Variants in MCPH1 observed in about 807,000 individuals in gnomAD.
MCPH1 encodes the protein microcephalin.
A neutral mutation model predicts 84.5 loss-of-function variants in MCPH1; 104 were observed. The observed-to-expected ratio is 1.23, with a 90% CI of 1.05 to 1.45. MCPH1 has a LOEUF of 1.45. MCPH1 is among the 40% of genes most tolerant of loss of function. The pLI, the probability that MCPH1 is intolerant of heterozygous loss-of-function variation, is 0.00. For missense variants in MCPH1, 1,498 were observed against 1,005.7 expected (o/e 1.49, Z -6.62); for synonymous variants, 514 against 366.8 (o/e 1.40, Z -4.58).
At chr8:6,418,317 C>T (rs1038984855) in intron 3 of MCPH1, among the ~76,000 whole-genome samples, 1 of 152,154 alleles carries the variant, frequency 6.6e-6, no homozygotes, top group Admixed American at 6.5e-5. Context: ...GATTCTTTTG[C>T]TTCCTTTTAA....
intron 13 of MCPH1, among the ~76,000 whole-genome samples, chr8:6,622,378 G>A (rs1324255625): frequency 6.6e-6 from 1 of 152,172 alleles, no homozygotes; most frequent in African/African-American, 2.4e-5. Context: ...CCGGAGAAGA[G>A]GGTTAAGGAA....
At chr8:6,500,889 G>GA (rs546175261) in intron 12 of MCPH1, 40 of 152,310 alleles carry the variant, frequency 2.6e-4, no homozygotes, top group African/African-American at 9.6e-4. Flanking sequence ...CCTACAAAGA[G>GA]AATTGATATA....
chr8:6,614,219 G>A (rs1830570448), intron 12 of MCPH1, among the ~76,000 whole-genome samples: 1 of 152,182 alleles, frequency 6.6e-6, no homozygotes, highest in Non-Finnish European at 1.5e-5. Flanking sequence ...TATGGTTTTG[G>A]AGACGGTTGT....
chr8:6,550,380 G>A (rs1193143815), intron 12 of MCPH1, among the ~76,000 whole-genome samples: 3 of 152,212 alleles, frequency 2.0e-5, no homozygotes, highest in Non-Finnish European at 2.9e-5. Flanking sequence ...CTGTAGGGCT[G>A]CACCCAGACA....
chr8:6,413,837 C>T (rs957614865), intron 2 of MCPH1, among the ~76,000 whole-genome samples: 3 of 151,796 alleles, frequency 2.0e-5, no homozygotes, highest in Non-Finnish European at 2.9e-5. Flanking sequence ...TCACTGTAAC[C>T]GCCACCTCCC....
intron 11 of MCPH1, chr8:6,499,536 G>C (rs1811739240): frequency 6.2e-6 from 1 of 160,484 alleles, no homozygotes; most frequent in African/African-American, 2.4e-5. Context: ...TCACAAATTA[G>C]AAACTTGGAA....
chr8:6,542,876 C>T (rs949113180), intron 12 of MCPH1, among the ~76,000 whole-genome samples: 4 of 152,114 alleles, frequency 2.6e-5, no homozygotes, highest in African/African-American at 9.7e-5. Flanking sequence ...AAAAGGCTAG[C>T]GAAACTTAGA....
At chr8:6,428,020 T>C (rs1801318817) in intron 3 of MCPH1, among the ~76,000 whole-genome samples, 1 of 151,958 alleles carries the variant, frequency 6.6e-6, no homozygotes, top group African/African-American at 2.4e-5. Flanking sequence ...CTTGAACCAC[T>C]GACCTCCCGC....
chr8:6,638,028 G>C (rs1209525031), intron 13 of MCPH1, among the ~76,000 whole-genome samples: 2 of 152,196 alleles, frequency 1.3e-5, no homozygotes, highest in African/African-American at 4.8e-5. Flanking sequence ...GGAGAAGCAC[G>C]GAAGGAGCAG....
intron 12 of MCPH1, among the ~76,000 whole-genome samples, chr8:6,536,370 A>T (rs1820503344): frequency 6.6e-6 from 1 of 150,856 alleles, no homozygotes; most frequent in African/African-American, 2.4e-5. Context: ...ATGTTAGCTC[A>T]ACCCAGAGGC....
At chr8:6,617,448 C>A (rs562746349) in intron 12 of MCPH1, among the ~76,000 whole-genome samples, 1 of 151,732 alleles carries the variant, frequency 6.6e-6, no homozygotes, top group African/African-American at 2.4e-5. Flanking sequence ...CATTTTTTAG[C>A]TAGAAACTTC....
At chr8:6,451,282 T>C (rs1206064073) in intron 8 of MCPH1, among the ~76,000 whole-genome samples, 1 of 152,234 alleles carries the variant, frequency 6.6e-6, no homozygotes, top group African/African-American at 2.4e-5. Flanking sequence ...GGTTGATTCA[T>C]TCATTCATTT....
chr8:6,640,511 T>C lies in MCPH1; in HGVS notation c.2453-2483T>C, dbSNP rs199706163. 2.6e-5 allele frequency among the ~76,000 whole-genome samples: 4 copies of C among 152,248 alleles called. No homozygotes were observed. In the East Asian group the frequency reaches 7.7e-4, roughly 29 times the overall value. ...AGATTTATCATTCGTGAATTACCTG[T>C]CCTGATCCCTTAACTGTTTTGAAAT... On this transcript the variant is annotated intron_variant, in intron 13 of 13. Coordinates refer to ENST00000344683, the MANE Select transcript of MCPH1 (RefSeq NM_024596.5).
chr8:6,514,340 C>T (rs1056158732), intron 12 of MCPH1, among the ~76,000 whole-genome samples: 1 of 152,118 alleles, frequency 6.6e-6, no homozygotes, highest in Non-Finnish European at 1.5e-5. Flanking sequence ...CAGGTGTGCA[C>T]CACCACACCT....
At chr8:6,642,100 G>A (rs1349275395) in intron 13 of MCPH1, among the ~76,000 whole-genome samples, 2 of 152,040 alleles carry the variant, frequency 1.3e-5, no homozygotes, top group Non-Finnish European at 2.9e-5. Context: ...ATACCACCAG[G>A]ATAGCTTTCC....
intron 12 of MCPH1, chr8:6,508,762 C>G (rs1385678777): frequency 2.2e-6 from 2 of 928,396 alleles, no homozygotes; most frequent in Non-Finnish European, 3.3e-6. Context: ...TCACTTAAAA[C>G]TTAGTCTAAA....
intron 11 of MCPH1, among the ~76,000 whole-genome samples, chr8:6,492,896 C>G (rs1176159943): frequency 6.6e-6 from 1 of 151,978 alleles, no homozygotes; most frequent in Non-Finnish European, 1.5e-5. Flanking sequence ...CATGTAAATA[C>G]TATTGTCTAC....
chr8:6,409,394 A>AT (rs1798221411), intron 2 of MCPH1, 24 bp downstream of exon 2: 1 of 1,536,578 alleles, frequency 6.5e-7, no homozygotes, highest in African/African-American at 1.4e-5. Context: ...TTTGCTGTTG[A>AT]TTCATATGAC....
At chr8:6,431,381 CTG>C in intron 3 of MCPH1, 116 bp from the exon 4 acceptor site, 1 of 743,940 alleles carries the variant, frequency 1.3e-6, no homozygotes, top group Non-Finnish European at 2.3e-6. Flanking sequence ...TTTTAAAAGT[CTG>C]TTAAAATGAC....
Sources: gnomAD v4.1 joint callset for allele counts (sites outside exome capture counted in the v4.1 genomes callset) on GRCh38, gnomAD v4.1.1 for gene constraint, MANE v1.5 for transcripts, NCBI Gene and HGNC (gene_info 2026-07-23, HGNC 2026-07-21) for gene names.